Variants in FBRSL1 observed in about 807,000 individuals in gnomAD.
FBRSL1 encodes the protein fibrosin-1-like protein.
Under a neutral mutation model 89.6 loss-of-function variants are expected in FBRSL1, and 51 were observed. The observed-to-expected ratio is 0.57, with a 90% CI of 0.45 to 0.72. The LOEUF (loss-of-function observed/expected upper bound fraction) is 0.72, where lower values mean the gene tolerates loss of function less well. Ranked by LOEUF, FBRSL1 falls within the 30% of genes least tolerant of loss-of-function variation. The probability of loss-of-function intolerance (pLI) is 0.00; values close to 1 mark genes in which losing one functional copy is unlikely to be tolerated. For synonymous variants in FBRSL1, 779 were observed against 681.1 expected, an observed-to-expected ratio of 1.14 and a Z score of -2.24; for missense variants, 1,618 against 1,451.8, an observed-to-expected ratio of 1.11 and a Z score of -1.86.
Position 132,490,861 on chromosome 12 carries a change from G to GCAGGATATGGCCCTGAAGCCACAT in FBRSL1, c.291_291+1insCAGGATATGGCCCTGAAGCCACAT (p.Glu97_Lys98insGlnAspMetAlaLeuLysProHis). ...GCTTCAGCACCCTGGAGGCCCTGGA[G>GCAGGATATGGCCCTGAAGCCACAT]GTAGGTGGACGGGTGCGGCTTCGCA... On this transcript the variant is annotated inframe_insertion and splice_region_variant. Coordinates refer to ENST00000680143, the MANE Select transcript of FBRSL1 (RefSeq NM_001367871.1). 1 of 1,399,902 alleles carries GCAGGATATGGCCCTGAAGCCACAT rather than the reference G, an allele frequency of 7.1e-7. No homozygotes were observed. The highest frequency in any genetic ancestry group is 9.3e-7 in the Non-Finnish European group (1 of 1,071,498). The allele number at this position is 1,399,902 out of a possible 1,614,324, so 86.7% of individuals were successfully genotyped here.
chr12:132,575,835 G>C lies in FBRSL1; in HGVS notation c.1702-964G>C, dbSNP rs1035261121. 7.2e-5 allele frequency among the ~76,000 whole-genome samples: 11 copies of C among 152,276 alleles called. No individual in the cohort carries two copies. The East Asian group carries it at 1.9e-3, about 27-fold the overall frequency. Reference sequence around the variant, plus strand: ...ACCCCAGTGCCAGAGCACACTGCAGGGACCAGGAGGGGCCGGCCCAGGCCA... The same window carrying C: ...ACCCCAGTGCCAGAGCACACTGCAGCGACCAGGAGGGGCCGGCCCAGGCCA... On this transcript the variant is annotated intron_variant, in intron 14 of 18. Transcript: ENST00000680143.
intron 4 of FBRSL1, among the ~76,000 whole-genome samples, chr12:132,530,739 G>A (rs2036193780): frequency 7.6e-6 from 1 of 131,606 alleles, no homozygotes; most frequent in Non-Finnish European, 1.7e-5. Flanking sequence ...GGGGTGGGGG[G>A]AGGGGGAAGG....
chr12:132,583,306 G>A lies in FBRSL1; in HGVS notation c.2537G>A (p.Gly846Asp). The A allele has an allele frequency of 8.4e-7, 1 of 1,195,508 alleles. No homozygotes were observed. The highest frequency in any genetic ancestry group is 1.0e-6 in the Non-Finnish European group (1 of 961,686). 74.1% of individuals were successfully genotyped at this position (1,195,508 alleles called of 1,614,324 possible). A position where few individuals can be genotyped will look rare whatever the true frequency, so the allele number is the denominator to read the frequency against. ...LQLGLGRERL[G>D]APGFAWEPFR... ...CTCGGCCTGGGCCGCGAGCGCCTGG[G>A]CGCGCCGGGCTTCGCGTGGGAGCCT... The change falls in exon 19 of 19, where the codon GGC (glycine) becomes GAC (aspartate). Residue 846 changes from glycine (G) to aspartate (D), a missense_variant. Transcript: ENST00000680143.
At chr12:132,550,351 TGAG>T in intron 5 of FBRSL1, among the ~76,000 whole-genome samples, 1 of 152,048 alleles carries the variant, frequency 6.6e-6, no homozygotes, top group East Asian at 1.9e-4. Flanking sequence ...CGCCAAACAC[TGAG>T]TCCCCGTGAT....
intron 4 of FBRSL1, among the ~76,000 whole-genome samples, chr12:132,543,479 A>G (rs930436974): frequency 6.6e-6 from 1 of 152,124 alleles, no homozygotes; most frequent in Non-Finnish European, 1.5e-5. Flanking sequence ...AGGTGTTGGG[A>G]ACCCACAGGG....
intron 1 of FBRSL1, among the ~76,000 whole-genome samples, chr12:132,493,372 GCCCGCGGGACACTGCAGTGGTATAAA>G (rs1328092932): frequency 6.6e-6 from 1 of 152,242 alleles, no homozygotes; most frequent in Non-Finnish European, 1.5e-5. Flanking sequence ...GCTGGCTTGT[GCCCGCGGGACACTGCAGTGGTATAAA>G]CAACCAAACA....
intron 13 of FBRSL1, 40 bp downstream of exon 13, chr12:132,574,388 C>G (rs1566236686): frequency 3.2e-6 from 5 of 1,549,706 alleles, no homozygotes; most frequent in Non-Finnish European, 3.5e-6. Flanking sequence ...AGGGAGGACT[C>G]TGGTGCCCCC....
chr12:132,555,640 G>A (rs1004435884), intron 5 of FBRSL1, among the ~76,000 whole-genome samples: 12 of 152,204 alleles, frequency 7.9e-5, no homozygotes, highest in African/African-American at 2.2e-4. Flanking sequence ...CCCCAGAGGA[G>A]GATCCTTCCT....
At chr12:132,548,471 C>G (rs117671818) in intron 5 of FBRSL1, among the ~76,000 whole-genome samples, 2 of 152,182 alleles carry the variant, frequency 1.3e-5, no homozygotes, top group Non-Finnish European at 1.5e-5. Context: ...GAGGTAGATG[C>G]GCAGCCTATG....
chr12:132,514,401 C>T (rs1245140237), intron 2 of FBRSL1, among the ~76,000 whole-genome samples: 1 of 152,200 alleles, frequency 6.6e-6, no homozygotes, highest in East Asian at 1.9e-4. Context: ...CCCAGGTGGC[C>T]CAGGACCGCA....
chr12:132,512,015 G>T, intron 2 of FBRSL1: 1 of 985,350 alleles, frequency 1.0e-6, no homozygotes, highest in Non-Finnish European at 1.2e-6. Context: ...CCCACAAAGG[G>T]CTTTTGTGCT....
chr12:132,498,552 C>G (rs1050254193), intron 1 of FBRSL1, among the ~76,000 whole-genome samples: 2 of 152,244 alleles, frequency 1.3e-5, no homozygotes, highest in Non-Finnish European at 2.9e-5. Flanking sequence ...GCTGCCCCCA[C>G]CACCCCCATG....
chr12:132,525,464 G>T (rs1352620408), intron 2 of FBRSL1, among the ~76,000 whole-genome samples: 3 of 152,186 alleles, frequency 2.0e-5, no homozygotes, highest in Non-Finnish European at 4.4e-5. Context: ...GGTCCTCCCC[G>T]TCCTGGTAGA....
intron 5 of FBRSL1, among the ~76,000 whole-genome samples, chr12:132,562,316 T>C (rs1314701437): frequency 6.6e-6 from 1 of 151,928 alleles, no homozygotes; most frequent in Non-Finnish European, 1.5e-5. Context: ...GCCAGGATTC[T>C]AGGGGTGGTG....
intron 2 of FBRSL1, chr12:132,509,052 C>G (rs2034025719): frequency 1.6e-6 from 2 of 1,225,904 alleles, no homozygotes. Flanking sequence ...CCTCGGCCCC[C>G]TTGGGAATTG....
chr12:132,510,449 C>A lies in FBRSL1; in HGVS notation c.489+2099C>A, dbSNP rs1030007515. 7.3e-6 allele frequency: 9 copies of A among 1,231,962 alleles called. No homozygotes were observed. In the African/African-American group the frequency reaches 1.2e-4, roughly 17 times the overall value. 76.3% of individuals were successfully genotyped at this position (1,231,962 alleles called of 1,614,324 possible). A position where few individuals can be genotyped will look rare whatever the true frequency, so the allele number is the denominator to read the frequency against. ...CATCTGTGAGCCCTGGAGCCTGATG[C>A]CTGCAGGCACCTCCCCATATGGGTT... On this transcript the variant is annotated intron_variant, in intron 2 of 18. Coordinates refer to ENST00000680143, the MANE Select transcript of FBRSL1 (RefSeq NM_001367871.1).
At chr12:132,578,729 C>A (rs568235985) in intron 15 of FBRSL1, among the ~76,000 whole-genome samples, 1 of 142,126 alleles carries the variant, frequency 7.0e-6, no homozygotes, top group African/African-American at 2.7e-5. Context: ...GCAGCCCCCC[C>A]TCACTCTCCC....
chr12:132,501,773 G>A (rs2032998500), intron 1 of FBRSL1, among the ~76,000 whole-genome samples: 1 of 152,160 alleles, frequency 6.6e-6, no homozygotes, highest in African/African-American at 2.4e-5. Context: ...TGGCCACACA[G>A]CAGGGCCCAG....
chr12:132,576,215 T>TAA (rs1269442659), intron 14 of FBRSL1, among the ~76,000 whole-genome samples: 1 of 150,736 alleles, frequency 6.6e-6, no homozygotes, highest in African/African-American at 2.5e-5. Flanking sequence ...TTTCTTGAGA[T>TAA]AGAGTCTCGC....
Sources: allele counts gnomAD v4.1 joint callset (sites outside exome capture counted in the v4.1 genomes callset), GRCh38; gene constraint gnomAD v4.1.1; transcripts MANE v1.5; gene names NCBI Gene and HGNC (gene_info 2026-07-23, HGNC 2026-07-21).